HCN1: variants seen among roughly 807,000 people sequenced by gnomAD.
HCN1 encodes the protein hyperpolarization activated cyclic nucleotide gated potassium channel 1.
In HCN1, 13 loss-of-function variants were observed where a neutral mutation model predicts 78.9. That is an observed-to-expected ratio of 0.16 (90% CI 0.11 to 0.26). The LOEUF is 0.26. HCN1 is among the 10% of genes least tolerant of loss of function. The pLI is 1.00. For synonymous variants in HCN1, 552 were observed against 455.5 expected (o/e 1.21, Z -2.70); for missense variants, 810 against 1,154.3 (o/e 0.70, Z 4.32).
At chr5:45,413,337 C>T (rs888297214) in intron 3 of HCN1, among the ~76,000 whole-genome samples, 12 of 152,058 alleles carry the variant, frequency 7.9e-5, no homozygotes, top group Admixed American at 6.6e-5. Flanking sequence ...GAATTCAACA[C>T]TGTTGAGATA....
intron 3 of HCN1, among the ~76,000 whole-genome samples, chr5:45,399,718 A>G (rs1008873747): frequency 1.3e-5 from 2 of 152,202 alleles, no homozygotes; most frequent in Non-Finnish European, 2.9e-5. Flanking sequence ...GCTAAAAAAT[A>G]AAGAAAATAA....
In HCN1 at chr5:45,396,567, G is replaced by A; in HGVS notation, c.1155C>T (p.Cys385=). The A allele has an allele frequency of 6.2e-7, 1 of 1,613,886 alleles. No individual in the cohort carries two copies. The highest frequency in any genetic ancestry group is 1.7e-4 in the Middle Eastern group (1 of 6,046). Residue 385 remains cysteine (C), a synonymous_variant, in exon 4 of 8, where the codon TGC becomes TGT. Coordinates refer to ENST00000303230, the MANE Select transcript of HCN1 (RefSeq NM_021072.4). ...TMLSMIVGAT[C]YAMFVGHATA... ...TGGCATGGCCGACAAACATGGCATA[G>A]CAGGTGGCCCCGACGATCATGCTCA...
chr5:45,310,305 A>G (rs767810364), intron 5 of HCN1, among the ~76,000 whole-genome samples: 2 of 152,066 alleles, frequency 1.3e-5, no homozygotes, highest in Non-Finnish European at 2.9e-5. Flanking sequence ...AGTAACTTAA[A>G]CAAATTTACA....
intron 5 of HCN1, among the ~76,000 whole-genome samples, chr5:45,344,828 A>G (rs1299075278): frequency 6.6e-6 from 1 of 152,110 alleles, no homozygotes; most frequent in African/African-American, 2.4e-5. Context: ...TTCCAGTTGC[A>G]GGGTGCAAGA....
chr5:45,523,219 T>C (rs181235325), intron 2 of HCN1, among the ~76,000 whole-genome samples: 4 of 152,200 alleles, frequency 2.6e-5, no homozygotes, highest in Non-Finnish European at 5.9e-5. Flanking sequence ...TAGTATTCCA[T>C]AGTGTATATG....
chr5:45,557,023 A>G (rs147950527), intron 2 of HCN1, among the ~76,000 whole-genome samples: 26 of 152,104 alleles, frequency 1.7e-4, no homozygotes, highest in African/African-American at 4.8e-4. Context: ...TGTCACTTCA[A>G]TATCCCCTGA....
intron 2 of HCN1, among the ~76,000 whole-genome samples, chr5:45,502,727 C>G (rs1316517908): frequency 1.3e-5 from 2 of 152,038 alleles, no homozygotes; most frequent in African/African-American, 2.4e-5. Flanking sequence ...CTGGTATGTA[C>G]TAATCACTCA....
At chr5:45,694,280 G>A (rs1047270123) in intron 1 of HCN1, among the ~76,000 whole-genome samples, 1 of 152,050 alleles carries the variant, frequency 6.6e-6, no homozygotes, top group Admixed American at 6.6e-5. Flanking sequence ...ACTTTGCTGT[G>A]TGTTTTTACA....
intron 6 of HCN1, among the ~76,000 whole-genome samples, chr5:45,293,908 C>T (rs1021101353): frequency 6.6e-6 from 1 of 151,740 alleles, no homozygotes. Flanking sequence ...CCAGCATGGA[C>T]AAAATTACTT....
At chr5:45,543,309 TA>T (rs985201460) in intron 2 of HCN1, among the ~76,000 whole-genome samples, 13 of 151,236 alleles carry the variant, frequency 8.6e-5, no homozygotes, top group South Asian at 6.3e-4. Context: ...TAGAAGGAGA[TA>T]AAAAAAATAA....
intron 4 of HCN1, among the ~76,000 whole-genome samples, chr5:45,379,584 T>C (rs1447006573): frequency 2.0e-5 from 3 of 152,120 alleles, no homozygotes; most frequent in Non-Finnish European, 1.5e-5. Context: ...CTTCCTTATT[T>C]TTATGAATGT....
chr5:45,475,145 C>T (rs961083833), intron 2 of HCN1, among the ~76,000 whole-genome samples: 1 of 151,772 alleles, frequency 6.6e-6, no homozygotes, highest in Non-Finnish European at 1.5e-5. Context: ...ATAAAATAAA[C>T]TAGTGATTAA....
At chr5:45,519,673 A>G (rs1172306817) in intron 2 of HCN1, among the ~76,000 whole-genome samples, 1 of 152,018 alleles carries the variant, frequency 6.6e-6, no homozygotes, top group Non-Finnish European at 1.5e-5. Context: ...TCCAAATAGC[A>G]TGAGATTTTG....
chr5:45,310,903 T>C (rs374546715), intron 5 of HCN1, among the ~76,000 whole-genome samples: 10 of 152,240 alleles, frequency 6.6e-5, no homozygotes, highest in African/African-American at 2.4e-4. Flanking sequence ...CCTAGCAAAT[T>C]AATTCAGGAA....
At chr5:45,644,291 T>C (rs1251558742) in intron 2 of HCN1, 1 of 152,196 alleles carries the variant, frequency 6.6e-6, no homozygotes, top group Non-Finnish European at 1.5e-5. Flanking sequence ...TTTGGACTCT[T>C]ACGCTTATGC....
chr5:45,380,645 A>G (rs1747790399), intron 4 of HCN1, among the ~76,000 whole-genome samples: 1 of 152,154 alleles, frequency 6.6e-6, no homozygotes, highest in South Asian at 2.1e-4. Flanking sequence ...ACTAGAGCAC[A>G]TAAGACTTCA....
chr5:45,274,463 T>C (rs1286825109), intron 6 of HCN1, among the ~76,000 whole-genome samples: 1 of 152,200 alleles, frequency 6.6e-6, no homozygotes, highest in Non-Finnish European at 1.5e-5. Context: ...AAAGCTGTTA[T>C]GTGGTTAACT....
chr5:45,461,453 C>T (rs941131802), intron 3 of HCN1, among the ~76,000 whole-genome samples: 1 of 152,018 alleles, frequency 6.6e-6, no homozygotes, highest in Admixed American at 6.6e-5. Context: ...GTTTTACAAT[C>T]CCTAAAAGTG....
intron 5 of HCN1, among the ~76,000 whole-genome samples, chr5:45,308,955 G>T (rs1178034042): frequency 6.6e-6 from 1 of 152,118 alleles, no homozygotes; most frequent in Non-Finnish European, 1.5e-5. Context: ...ATTGCTTTGG[G>T]CAGTATGGCC....
Sources: gnomAD v4.1 joint callset for allele counts (sites outside exome capture counted in the v4.1 genomes callset) on GRCh38, gnomAD v4.1.1 for gene constraint, MANE v1.5 for transcripts, NCBI Gene and HGNC (gene_info 2026-07-23, HGNC 2026-07-21) for gene names.